Variants in KIAA1586 observed in about 807,000 individuals in gnomAD.
The protein encoded by KIAA1586 is KIAA1586, also known as E3 SUMO-protein ligase KIAA1586.
A neutral mutation model predicts 6.1 loss-of-function variants in KIAA1586; 5 were observed. The observed-to-expected ratio is 0.82, with a 90% CI of 0.43 to 1.73. The LOEUF is 1.73. Among genes scored for constraint, KIAA1586 ranks in the 40% most tolerant of loss-of-function variants. The pLI, the probability that KIAA1586 is intolerant of heterozygous loss-of-function variation, is 0.02. For synonymous variants in KIAA1586, 280 were observed against 301.7 expected (o/e 0.93, Z 0.75); for missense variants, 899 against 878.2 (o/e 1.02, Z -0.30).
downstream of KIAA1586, among the ~76,000 whole-genome samples, chr6:57,056,256 G>A (rs572615127): frequency 6.3e-4 from 96 of 151,926 alleles, no homozygotes; most frequent in Non-Finnish European, 1.1e-3. Flanking sequence ...ACCCAGGCTG[G>A]AGTACAGTGG....
At chr6:57,050,984 C>A (rs1828307847) in intron 3 of KIAA1586, 130 bp downstream of exon 3, 2 of 618,290 alleles carry the variant, frequency 3.2e-6, no homozygotes, top group Non-Finnish European at 5.7e-6. Flanking sequence ...AATCCCAGCA[C>A]TTTGGGAGGC....
At position 57,054,563 on chromosome 6, in the gene KIAA1586, A is replaced by C; in HGVS notation, c.2064A>C (p.Thr688=). The C allele has an allele frequency of 1.2e-6, 2 of 1,607,264 alleles. No homozygotes were observed. Among genetic ancestry groups the C allele is most frequent in the Non-Finnish European group, 1.7e-6 (2 of 1,176,126 alleles). The part of the protein sequence containing the change: ...NIKSNNVSIP[T]TIYKAKKIVS... ...AATCAAACAATGTTTCAATTCCTAC[A>C]ACTATATACAAAGCTAAAAAGATAG... Residue 688 remains threonine (T), a synonymous_variant, in exon 4 of 4, where the codon ACA becomes ACC. Transcript: ENST00000370733.
chr6:57,058,102 C>G (rs929416920), downstream of KIAA1586, among the ~76,000 whole-genome samples: 14 of 151,866 alleles, frequency 9.2e-5, no homozygotes, highest in Middle Eastern at 3.4e-3. Flanking sequence ...TCTCATGCAG[C>G]TTTTAAAATC....
downstream of KIAA1586, among the ~76,000 whole-genome samples, chr6:57,057,228 A>AG (rs2127914304): frequency 6.6e-6 from 1 of 151,836 alleles, no homozygotes; most frequent in East Asian, 1.9e-4. Flanking sequence ...ACTTTGTCTC[A>AG]GAAAAAAAAA....
At position 57,053,232 on chromosome 6, in the gene KIAA1586, G is replaced by C. The variant is rs1355217696; in HGVS notation, c.733G>C (p.Ala245Pro). ...VHKQNNKNID[A>P]TVKVFNTVYS... ...TAAACAAAATAATAAAAATATTGAT[G>C]CTACTGTAAAAGTTTTCAATACTGT... The change falls in exon 4 of 4, where the codon GCT (alanine) becomes CCT (proline). Residue 245 changes from alanine (A) to proline (P), a missense_variant. Ala to Pro is a conservative substitution (Grantham distance 27). Transcript: ENST00000370733. 2 of 1,598,342 alleles carry C rather than the reference G, an allele frequency of 1.3e-6. No homozygotes were observed. Among genetic ancestry groups the C allele is most frequent in the Non-Finnish European group, 8.5e-7 (1 of 1,174,194 alleles).
At chr6:57,064,800 C>CTCTG in the KIAA1586 span, among the ~76,000 whole-genome samples, 1 of 152,290 alleles carries the variant, frequency 6.6e-6, no homozygotes, top group East Asian at 1.9e-4. Flanking sequence ...CTCTCTGGTT[C>CTCTG]TCTGATCCAA....
rs746314511 is a variant in KIAA1586, at chr6:57,053,110, GA to G, written c.619del (p.Ile207LeufsTer17). 21 of 1,605,842 alleles carry G rather than the reference GA, an allele frequency of 1.3e-5. No homozygotes were observed. In the South Asian group the frequency reaches 1.6e-4, roughly 12 times the overall value. On this transcript the variant is annotated frameshift_variant, in exon 4 of 4. Transcript: ENST00000370733. LOFTEE classifies it low-confidence loss of function (END_TRUNC). ...AAAACTACTAGGCAAGCTTCTCTAC[GA>G]AAAAAAATTAGGGAACATGATGTTT... is the stretch of plus-strand genomic sequence containing the variant. ...SNKTTRQASL[R>X]KKIREHDVSK... is the part of the protein sequence containing the mutation.
At chr6:57,050,555 A>G (rs1201577947) in intron 2 of KIAA1586, among the ~76,000 whole-genome samples, 1 of 150,092 alleles carries the variant, frequency 6.7e-6, no homozygotes, top group East Asian at 2.0e-4. Flanking sequence ...GGCTCAAGTG[A>G]TCCTCCTGTC....
Position 57,054,848 on chromosome 6 carries a change from A to T in KIAA1586, c.2349A>T (p.Ile783=). 1 of 1,548,444 alleles carries T rather than the reference A, an allele frequency of 6.5e-7. No homozygotes were observed. Among genetic ancestry groups the T allele is most frequent in the South Asian group, 1.2e-5 (1 of 83,776 alleles). ...TCTTCCATGAGAATCAATTGGCTAT[A>T]TGGAACTTAAAATAGAATATTGTAT... ...TKVFHENQLA[I]WNLK Residue 783 remains isoleucine (I), a synonymous_variant, in exon 4 of 4, where the codon ATA becomes ATT. Coordinates refer to ENST00000370733, the MANE Select transcript of KIAA1586 (RefSeq NM_020931.4).
Position 57,053,774 on chromosome 6 carries a change from G to A in KIAA1586, c.1275G>A (p.Leu425=), listed in dbSNP as rs1205817268. The A allele has an allele frequency of 1.9e-6, 3 of 1,576,060 alleles. No homozygotes were observed. The highest frequency in any genetic ancestry group is 2.6e-6 in the Non-Finnish European group (3 of 1,159,958). The change falls in exon 4 of 4, where the codon TTG becomes TTA. Residue 425 remains leucine, a synonymous_variant. Transcript: ENST00000370733. ...ACTGTTTAAATCATCGATTACAATT[G>A]TCACTTGATGATTCTATATCCGAAA... ...IWNCLNHRLQ[L]SLDDSISEIK... is the part of the protein sequence containing the mutation.
the KIAA1586 span, among the ~76,000 whole-genome samples, chr6:57,065,745 C>G: frequency 6.6e-6 from 1 of 152,104 alleles, no homozygotes; most frequent in East Asian, 1.9e-4. Flanking sequence ...CACAATGGAC[C>G]CTTTCGAACT....
the KIAA1586 span, among the ~76,000 whole-genome samples, chr6:57,064,777 G>A: frequency 2.3e-3 from 352 of 152,280 alleles, no homozygotes; most frequent in African/African-American, 8.2e-3. Context: ...ATTTTTGTGT[G>A]TATATCCCTG....
chr6:57,053,211 C>A lies in KIAA1586; in HGVS notation c.712C>A (p.Gln238Lys). The change falls in exon 4 of 4, where the codon CAA (glutamine) becomes AAA (lysine). Residue 238 changes from glutamine (Q) to lysine (K), a missense_variant. Transcript: ENST00000370733. ...TTCAATTTGTAATTTAGTGCATAAA[C>A]AAAATAATAAAAATATTGATGCTAC... ...NDSICNLVHK[Q>K]NNKNIDATVK... is the part of the protein sequence containing the mutation. The A allele has an allele frequency of 6.3e-7, 1 of 1,598,598 alleles. No homozygotes were observed. Among genetic ancestry groups the A allele is most frequent in the Non-Finnish European group, 8.5e-7 (1 of 1,174,554 alleles).
chr6:57,053,192 T>G lies in KIAA1586; in HGVS notation c.693T>G (p.Ile231Met). 6.2e-7 allele frequency: 1 copy of G among 1,606,850 alleles called. No homozygotes were observed. The highest frequency in any genetic ancestry group is 1.3e-5 in the African/African-American group (1 of 74,416). ...TAAAGGAATCAACTAATGATTCAAT[T>G]TGTAATTTAGTGCATAAACAAAATA... ...DLLKESTNDSICNLVHKQNNK... is the reference protein window; with the variant it reads ...DLLKESTNDSMCNLVHKQNNK... Residue 231 changes from isoleucine (I) to methionine (M), a missense_variant, in exon 4 of 4, where the codon ATT becomes ATG. Transcript: ENST00000370733.
At chr6:57,048,265 C>A (rs1367890452) in intron 2 of KIAA1586, among the ~76,000 whole-genome samples, 1 of 152,206 alleles carries the variant, frequency 6.6e-6, no homozygotes, top group Admixed American at 6.5e-5. Context: ...GTTTGGTATT[C>A]AGGCTGTAGA....
At chr6:57,059,747 A>T (rs879415102), downstream of KIAA1586, among the ~76,000 whole-genome samples, 1 of 152,172 alleles carries the variant, frequency 6.6e-6, no homozygotes, top group Non-Finnish European at 1.5e-5. Context: ...CATCAGTTTC[A>T]CATTGTTGTT....
At chr6:57,061,382 CTAGTTATTTATTTATT>C in the KIAA1586 span, among the ~76,000 whole-genome samples, 1 of 151,982 alleles carries the variant, frequency 6.6e-6, no homozygotes, top group African/African-American at 2.4e-5. Flanking sequence ...TTGAACGGTT[CTAGTTATTTATTTATT>C]TATTTATCTA....
chr6:57,063,450 C>CTTT, the KIAA1586 span, among the ~76,000 whole-genome samples: 2,672 of 102,430 alleles, frequency 0.026, 19 homozygotes, highest in Non-Finnish European at 0.03. Context: ...TATGTTATTT[C>CTTT]TTTTTTTTTT....
the KIAA1586 span, among the ~76,000 whole-genome samples, chr6:57,063,561 C>G: frequency 1.3e-4 from 19 of 146,344 alleles, no homozygotes; most frequent in Admixed American, 9.2e-4. Flanking sequence ...TCAAGCAACT[C>G]TCCTGTCTCA....
Sources: gnomAD v4.1 joint callset for allele counts (sites outside exome capture counted in the v4.1 genomes callset) on GRCh38, gnomAD v4.1.1 for gene constraint, MANE v1.5 for transcripts, NCBI Gene and HGNC (gene_info 2026-07-23, HGNC 2026-07-21) for gene names.